Variants in NRP1 observed in about 807,000 individuals in gnomAD.
The protein encoded by NRP1 is neuropilin-1.
A neutral mutation model predicts 106.7 loss-of-function variants in NRP1; 35 were observed. The observed-to-expected ratio is 0.33, with a 90% CI of 0.25 to 0.43. The LOEUF (loss-of-function observed/expected upper bound fraction) is 0.43, where lower values mean the gene tolerates loss of function less well. NRP1 is among the 20% of genes least tolerant of loss of function. The probability of loss-of-function intolerance (pLI) is 1.00; values close to 1 mark genes in which losing one functional copy is unlikely to be tolerated. For missense variants in NRP1, 1,024 were observed against 1,170.4 expected, an observed-to-expected ratio of 0.87 and a Z score of 1.83; for synonymous variants, 437 against 417.9, an observed-to-expected ratio of 1.05 and a Z score of -0.56.
chr10:33,182,833 G>GCGCACA lies in NRP1; in HGVS notation c.2432-86_2432-85insTGTGCG, dbSNP rs374584878. On this transcript the variant is annotated intron_variant, in intron 15 of 16. Transcript: ENST00000374867. ...AAACTACACAAACCTTTAGGTACATGCACACACACACACACACACACACAC... is the reference window on the plus strand; with the variant it reads ...AAACTACACAAACCTTTAGGTACATGCGCACACACACACACACACACACACACACAC... 63 of 747,312 alleles carry GCGCACA rather than the reference G, an allele frequency of 8.4e-5. 1 individual carries two copies. The highest frequency in any genetic ancestry group is 3.2e-4 in the East Asian group (12 of 37,514). 46.3% of individuals were successfully genotyped at this position (747,312 alleles called of 1,614,324 possible).
intron 3 of NRP1, among the ~76,000 whole-genome samples, chr10:33,267,118 C>CTGCCTTCTGCCTTCATGA (rs1842979698): frequency 6.6e-6 from 1 of 152,204 alleles, no homozygotes. Flanking sequence ...ACATGTGCTT[C>CTGCCTTCTGCCTTCATGA]CCCTTTGCCT....
At chr10:33,257,431 G>A (rs1230439326) in intron 4 of NRP1, among the ~76,000 whole-genome samples, 3 of 152,172 alleles carry the variant, frequency 2.0e-5, no homozygotes, top group Non-Finnish European at 4.4e-5. Flanking sequence ...GAGGTCAGGA[G>A]TTTGAGACCA....
At chr10:33,250,530 C>T (rs1345346527) in intron 6 of NRP1, among the ~76,000 whole-genome samples, 1 of 152,182 alleles carries the variant, frequency 6.6e-6, no homozygotes, top group East Asian at 1.9e-4. Context: ...CGTGATTCAG[C>T]AGGGAGGTGA....
At chr10:33,187,321 TGATA>T (rs1393403591) in intron 13 of NRP1, among the ~76,000 whole-genome samples, 1 of 152,270 alleles carries the variant, frequency 6.6e-6, no homozygotes, top group East Asian at 1.9e-4. Flanking sequence ...TATGACTGCT[TGATA>T]ATCATAAACC....
At chr10:33,226,026 C>T (rs1025194577) in intron 7 of NRP1, 108 bp downstream of exon 7, 1 of 1,248,284 alleles carries the variant, frequency 8.0e-7, no homozygotes, top group Non-Finnish European at 1.1e-6. Flanking sequence ...CATTTCAAAT[C>T]AATTCAAAAA....
At chr10:33,224,210 C>T (rs1656122440) in intron 7 of NRP1, among the ~76,000 whole-genome samples, 1 of 152,142 alleles carries the variant, frequency 6.6e-6, no homozygotes, top group African/African-American at 2.4e-5. Context: ...CTGCCGACTC[C>T]TTCCTTATTC....
intron 6 of NRP1, among the ~76,000 whole-genome samples, chr10:33,230,823 T>C (rs1435399468): frequency 6.6e-6 from 1 of 152,308 alleles, no homozygotes; most frequent in Non-Finnish European, 1.5e-5. Flanking sequence ...ATTTAAAATA[T>C]TAATGCCTTT....
At chr10:33,212,038 C>G (rs1838345098) in intron 9 of NRP1, 1 of 152,166 alleles carries the variant, frequency 6.6e-6, no homozygotes, top group Admixed American at 6.5e-5. Flanking sequence ...GTTGCTGTTG[C>G]ATGTTCGCAA....
At chr10:33,297,686 CA>C (rs10711145) in intron 2 of NRP1, among the ~76,000 whole-genome samples, 35,181 of 96,002 alleles carry the variant, frequency 0.37, 4,486 homozygotes, top group South Asian at 0.43. Flanking sequence ...GACTTTGTCT[CA>C]AAAAAAAAAA....
At chr10:33,202,693 T>C (rs1031089904) in intron 11 of NRP1, 198 bp downstream of exon 11, 4 of 1,549,540 alleles carry the variant, frequency 2.6e-6, no homozygotes, top group Non-Finnish European at 2.6e-6. Context: ...TTGTTACAAA[T>C]GGTTGTGGCT....
chr10:33,330,615 T>C, intron 2 of NRP1, 93 bp downstream of exon 2: 5 of 1,044,278 alleles, frequency 4.8e-6, no homozygotes, highest in South Asian at 2.3e-5. Context: ...GATCCATTTA[T>C]AATCTACATT....
Position 33,213,191 on chromosome 10 carries a change from A to C in NRP1, c.1614+195T>G, listed in dbSNP as rs770739045. On this transcript the variant is annotated intron_variant, in intron 9 of 16. Transcript: ENST00000374867. ...GGGACCAGCAATGCAATTCTTTTGCATGTTATCTCAGACATCACTTTTCAT... is the reference window on the plus strand; with the variant it reads ...GGGACCAGCAATGCAATTCTTTTGCCTGTTATCTCAGACATCACTTTTCAT... 79 of 1,440,906 alleles carry C rather than the reference A, an allele frequency of 5.5e-5. No homozygotes were observed. In the South Asian group the frequency reaches 9.6e-4, roughly 18 times the overall value. The allele number at this position is 1,440,906 out of a possible 1,614,324, so 89.3% of individuals were successfully genotyped here.
intron 5 of NRP1, among the ~76,000 whole-genome samples, chr10:33,255,526 C>A (rs1842139396): frequency 6.6e-6 from 1 of 152,190 alleles, no homozygotes; most frequent in African/African-American, 2.4e-5. Context: ...ATGATTATAG[C>A]TCACTGCAGC....
intron 10 of NRP1, among the ~76,000 whole-genome samples, chr10:33,204,930 C>T (rs1355320637): frequency 6.6e-6 from 1 of 152,112 alleles, no homozygotes; most frequent in East Asian, 1.9e-4. Flanking sequence ...CAGGATTTCA[C>T]CATGTTGGCC....
rs147506638 is a variant in NRP1 at position 33,268,084 on chromosome 10, T to C, written c.430+2591A>G. ...GTATCTTCAAAAGAATAATGATCCA[T>C]GAATTCTATAATATCATTAAAGGGC... is the stretch of plus-strand genomic sequence containing the variant. On this transcript the variant is annotated intron_variant, in intron 3 of 16. Coordinates refer to ENST00000374867, the MANE Select transcript of NRP1 (RefSeq NM_003873.7). Among the ~76,000 whole-genome samples the C allele has an allele frequency of 9.4e-4, 143 of 152,330 alleles. 1 individual carries two copies. Among genetic ancestry groups the C allele is most frequent in the African/African-American group, 3.3e-3 (138 of 41,574 alleles).
At chr10:33,263,986 C>A (rs1842756006) in intron 3 of NRP1, 113 bp from the exon 4 acceptor site, 2 of 698,728 alleles carry the variant, frequency 2.9e-6, no homozygotes, top group South Asian at 3.5e-5. Flanking sequence ...GCCAGTATAA[C>A]CACTGTTCTA....
chr10:33,317,092 A>T (rs753670797), intron 2 of NRP1, among the ~76,000 whole-genome samples: 4 of 152,242 alleles, frequency 2.6e-5, no homozygotes, highest in Non-Finnish European at 4.4e-5. Context: ...TGACCCATAG[A>T]GGCCCATAAC....
chr10:33,181,559 A>T (rs1835687366), intron 16 of NRP1, among the ~76,000 whole-genome samples: 1 of 152,246 alleles, frequency 6.6e-6, no homozygotes, highest in Non-Finnish European at 1.5e-5. Context: ...AGTGTCCAAC[A>T]GCCCACAATG....
intron 12 of NRP1, 73 bp from the exon 13 acceptor site, chr10:33,192,491 C>G: frequency 6.6e-7 from 1 of 1,523,826 alleles, no homozygotes. Flanking sequence ...GTCACAAAGG[C>G]CCTTGGTTCA....
Sources: gnomAD v4.1 joint callset for allele counts (sites outside exome capture counted in the v4.1 genomes callset) on GRCh38, gnomAD v4.1.1 for gene constraint, MANE v1.5 for transcripts, NCBI Gene and HGNC (gene_info 2026-07-23, HGNC 2026-07-21) for gene names.